CLTA: variants seen among roughly 807,000 people sequenced by gnomAD.
CLTA encodes the protein clathrin, light polypeptide (Lca).
In CLTA, 9 loss-of-function variants were observed where a neutral mutation model predicts 26.9. The ratio of observed to expected loss-of-function variants is 0.33; its 90% CI spans 0.20 to 0.58. CLTA has a LOEUF of 0.58. Ranked by LOEUF, CLTA falls within the 20% of genes least tolerant of loss-of-function variation. The pLI is 0.85. For missense variants in CLTA, 278 were observed against 294.2 expected (o/e 0.94, Z 0.40); for synonymous variants, 120 against 115.5 (o/e 1.04, Z -0.25).
At chr9:36,194,984 G>A (rs1826936903) in intron 1 of CLTA, among the ~76,000 whole-genome samples, 1 of 152,188 alleles carries the variant, frequency 6.6e-6, no homozygotes. Flanking sequence ...TTCTTGTTTT[G>A]TATATGGAGT....
chr9:36,210,778 C>T lies in CLTA; in HGVS notation c.486-825C>T, dbSNP rs912705064. ...CATCCCTGTGATAGTGCCACCCCTCCGTCCCCACAGACCAGTCATCTCCAT... is the reference window on the plus strand; with the variant it reads ...CATCCCTGTGATAGTGCCACCCCTCTGTCCCCACAGACCAGTCATCTCCAT... On this transcript the variant is annotated intron_variant, in intron 4 of 4. Transcript: ENST00000345519. 8.3e-5 allele frequency: 95 copies of T among 1,145,786 alleles called. No individual in the cohort carries two copies. The Middle Eastern group carries it at 2.3e-3, about 28-fold the overall frequency. 71.0% of individuals were successfully genotyped at this position (1,145,786 alleles called of 1,614,324 possible).
At chr9:36,198,232 A>G (rs1310386823) in intron 2 of CLTA, among the ~76,000 whole-genome samples, 4 of 151,818 alleles carry the variant, frequency 2.6e-5, no homozygotes, top group Admixed American at 6.5e-5. Context: ...TCCTGGGCTC[A>G]AGTGACCATC....
chr9:36,211,542 A>G, intron 4 of CLTA, 61 bp from the exon 5 acceptor site: 2 of 1,533,552 alleles, frequency 1.3e-6, no homozygotes, highest in Admixed American at 2.0e-5. Context: ...GTAGCAAGGC[A>G]GCCACCAGGT....
intron 2 of CLTA, among the ~76,000 whole-genome samples, chr9:36,197,794 C>T (rs16933046): frequency 8.0e-4 from 122 of 152,220 alleles, no homozygotes; most frequent in African/African-American, 2.7e-3. Flanking sequence ...ATTTACCTGC[C>T]CCTAGTGTTA....
At chr9:36,193,090 G>A (rs1399657622) in intron 1 of CLTA, among the ~76,000 whole-genome samples, 2 of 152,222 alleles carry the variant, frequency 1.3e-5, no homozygotes, top group East Asian at 1.9e-4. Flanking sequence ...AGAGAATAGA[G>A]TTGGATGCTC....
At chr9:36,206,401 A>T (rs759616116) in intron 4 of CLTA, among the ~76,000 whole-genome samples, 4 of 152,096 alleles carry the variant, frequency 2.6e-5, no homozygotes, top group Non-Finnish European at 4.4e-5. Context: ...TGGAGGTGGG[A>T]TCCATTTGAG....
chr9:36,209,167 A>G, intron 4 of CLTA: 2 of 1,450,914 alleles, frequency 1.4e-6, no homozygotes, highest in East Asian at 4.5e-5. Context: ...TCCTCAGAGC[A>G]CAGTTGTACC....
intron 4 of CLTA, among the ~76,000 whole-genome samples, chr9:36,208,443 G>C (rs151242058): frequency 1.3e-5 from 2 of 152,216 alleles, no homozygotes; most frequent in African/African-American, 2.4e-5. Context: ...TTCAGAAACT[G>C]TACCCGCTTC....
chr9:36,199,454 CTTTTT>C (rs879907387), intron 3 of CLTA, among the ~76,000 whole-genome samples: 1 of 142,540 alleles, frequency 7.0e-6, no homozygotes, highest in South Asian at 2.2e-4. Context: ...TTTCTTTTTT[CTTTTT>C]TTTTTTTTGA....
At chr9:36,199,187 A>T in intron 3 of CLTA, 91 bp downstream of exon 3, 1 of 838,936 alleles carries the variant, frequency 1.2e-6, no homozygotes, top group Non-Finnish European at 2.1e-6. Flanking sequence ...CACATTAACC[A>T]GTGTCATTGT....
chr9:36,205,212 T>C (rs879750312), intron 4 of CLTA, among the ~76,000 whole-genome samples: 5 of 152,132 alleles, frequency 3.3e-5, no homozygotes, highest in Non-Finnish European at 5.9e-5. Flanking sequence ...TGTGTCCTGG[T>C]CACTTTCCTC....
At chr9:36,199,123 G>A in intron 3 of CLTA, 27 bp downstream of exon 3, 2 of 1,477,924 alleles carry the variant, frequency 1.4e-6, no homozygotes, top group East Asian at 4.5e-5. Context: ...GTGTTTTGGT[G>A]TCTGTTTTCA....
chr9:36,196,440 G>A (rs555286434), intron 1 of CLTA, among the ~76,000 whole-genome samples: 13 of 149,896 alleles, frequency 8.7e-5, no homozygotes, highest in East Asian at 2.0e-4. Flanking sequence ...TCTGCCTCCC[G>A]AGTTCAAGCA....
At chr9:36,203,892 G>C (rs1827568163) in intron 3 of CLTA, 176 bp from the exon 4 acceptor site, 1 of 334,474 alleles carries the variant, frequency 3.0e-6, no homozygotes, top group Non-Finnish European at 4.3e-6. Flanking sequence ...AATCAGAGTT[G>C]GTTGTGCAAA....
intron 1 of CLTA, among the ~76,000 whole-genome samples, chr9:36,193,613 A>G (rs993544664): frequency 1.0e-4 from 13 of 128,746 alleles, no homozygotes; most frequent in African/African-American, 4.7e-4. Context: ...TTTGAAGTGT[A>G]CTGAGTAAAT....
chr9:36,193,413 G>A (rs1826851364), intron 1 of CLTA, among the ~76,000 whole-genome samples: 2 of 151,308 alleles, frequency 1.3e-5, no homozygotes, highest in African/African-American at 4.9e-5. Context: ...CTCAGACAAT[G>A]TATATAACTA....
At chr9:36,192,366 GTC>G (rs760210761) in intron 1 of CLTA, among the ~76,000 whole-genome samples, 5 of 152,194 alleles carry the variant, frequency 3.3e-5, no homozygotes, top group Non-Finnish European at 7.3e-5. Context: ...AGATCCAGCA[GTC>G]TCAAGTTACT....
intron 1 of CLTA, among the ~76,000 whole-genome samples, chr9:36,193,094 G>C (rs1826831416): frequency 6.6e-6 from 1 of 152,214 alleles, no homozygotes; most frequent in Non-Finnish European, 1.5e-5. Context: ...AATAGAGTTG[G>C]ATGCTCGGTC....
At chr9:36,198,720 A>AG (rs1166194861) in intron 2 of CLTA, among the ~76,000 whole-genome samples, 32 of 149,410 alleles carry the variant, frequency 2.1e-4, no homozygotes, top group Non-Finnish European at 4.3e-4. Flanking sequence ...AAAAAAAAAA[A>AG]GCAACCACAT....
Sources: gnomAD v4.1 joint callset for allele counts (sites outside exome capture counted in the v4.1 genomes callset) on GRCh38, gnomAD v4.1.1 for gene constraint, MANE v1.5 for transcripts, NCBI Gene and HGNC (gene_info 2026-07-23, HGNC 2026-07-21) for gene names.